The following KAZN variants were observed in gnomAD, a reference collection of about 807,000 sequenced individuals.
KAZN encodes the protein kazrin, periplakin interacting protein.
KAZN carries 40 observed loss-of-function variants against 87.4 expected under a neutral mutation model. That is an observed-to-expected ratio of 0.46 (90% CI 0.36 to 0.60). The LOEUF (loss-of-function observed/expected upper bound fraction) is 0.60, where lower values mean the gene tolerates loss of function less well. KAZN is among the 20% of genes least tolerant of loss of function. KAZN has a pLI of 0.00. For synonymous variants in KAZN, 466 were observed against 458.3 expected (o/e 1.02, Z -0.22); for missense variants, 898 against 1,073.9 (o/e 0.84, Z 2.29).
At position 15,094,533 on chromosome 1, in the gene KAZN, C is replaced by T; in HGVS notation, c.1428+148C>T. ...GCCAATGCAATCAGCCTCTGATGTA[C>T]CTGCTCATTGTGCCTCCCTGGCAAG... On this transcript the variant is annotated intron_variant, in intron 9 of 14. Coordinates refer to ENST00000376030, the MANE Select transcript of KAZN (RefSeq NM_201628.3). This position sits in a 1 kb window ranked among gnomAD's most constrained non-coding sequence, Gnocchi z 4.5. 1 of 769,958 alleles carries T rather than the reference C, an allele frequency of 1.3e-6. No homozygotes were observed. Among genetic ancestry groups the T allele is most frequent in the Non-Finnish European group, 2.1e-6 (1 of 480,880 alleles). 47.7% of individuals were successfully genotyped at this position (769,958 alleles called of 1,614,324 possible).
intron 2 of KAZN, among the ~76,000 whole-genome samples, chr1:14,303,710 A>G (rs1038873813): frequency 2.6e-5 from 4 of 152,190 alleles, no homozygotes; most frequent in Non-Finnish European, 5.9e-5. Context: ...ATTTATGCCT[A>G]TCCAAACTCT....
intron 2 of KAZN, among the ~76,000 whole-genome samples, chr1:14,484,010 T>G (rs1208347764): frequency 1.3e-5 from 2 of 152,244 alleles, no homozygotes; most frequent in African/African-American, 4.8e-5. Context: ...TACCGTTTAT[T>G]AAAGAGATCG....
At chr1:14,278,620 A>G (rs771178134) in intron 2 of KAZN, among the ~76,000 whole-genome samples, 4 of 152,128 alleles carry the variant, frequency 2.6e-5, no homozygotes, top group Non-Finnish European at 5.9e-5. Flanking sequence ...ATATCTAGTC[A>G]CTGCTTAAGT....
chr1:15,114,355 G>A, intron 14 of KAZN, 116 bp from the exon 15 acceptor site: 1 of 832,508 alleles, frequency 1.2e-6, no homozygotes, highest in East Asian at 2.7e-5. Flanking sequence ...AGCACACAGA[G>A]GTTAAGTAAG....
chr1:15,058,289 G>A (rs929610295), intron 5 of KAZN, among the ~76,000 whole-genome samples: 1 of 152,234 alleles, frequency 6.6e-6, no homozygotes, highest in Non-Finnish European at 1.5e-5. Flanking sequence ...TAGGGAGGAT[G>A]CCCAAGGTCA....
chr1:14,787,807 G>A (rs547461544), intron 1 of KAZN, among the ~76,000 whole-genome samples: 36 of 152,278 alleles, frequency 2.4e-4, no homozygotes, highest in African/African-American at 7.9e-4. Flanking sequence ...CTAGGAATCC[G>A]CAATAGCCCA....
At chr1:15,097,359 G>T (rs1640848745) in intron 10 of KAZN, among the ~76,000 whole-genome samples, 1 of 151,952 alleles carries the variant, frequency 6.6e-6, no homozygotes, top group Admixed American at 6.6e-5. Flanking sequence ...ATGACATCTT[G>T]TGTGACCATG....
At chr1:14,217,344 T>A (rs1364838627) in intron 2 of KAZN, among the ~76,000 whole-genome samples, 1 of 151,936 alleles carries the variant, frequency 6.6e-6, no homozygotes, top group Non-Finnish European at 1.5e-5. Flanking sequence ...TCACAAAAAA[T>A]TTAAAAATGC....
At chr1:14,545,797 G>C (rs1557790318) in intron 2 of KAZN, among the ~76,000 whole-genome samples, 1 of 152,150 alleles carries the variant, frequency 6.6e-6, no homozygotes, top group East Asian at 1.9e-4. Context: ...TCAGAGGCAG[G>C]GAAAGAGAAA....
At chr1:14,081,407 T>C (rs1166370027) in intron 1 of KAZN, among the ~76,000 whole-genome samples, 1 of 152,108 alleles carries the variant, frequency 6.6e-6, no homozygotes, top group African/African-American at 2.4e-5. Context: ...CTCTTCCCAG[T>C]TGATGAGCCA....
At chr1:14,218,000 G>A (rs1646995571) in intron 2 of KAZN, among the ~76,000 whole-genome samples, 1 of 152,088 alleles carries the variant, frequency 6.6e-6, no homozygotes, top group African/African-American at 2.4e-5. Flanking sequence ...TTTTTCCCAT[G>A]AGCTTTTTCT....
intron 2 of KAZN, among the ~76,000 whole-genome samples, chr1:14,586,061 G>A (rs1675831836): frequency 2.0e-5 from 3 of 152,184 alleles, no homozygotes; most frequent in Admixed American, 1.3e-4. Flanking sequence ...AGATGCTGTA[G>A]GAAATGTTTC....
At chr1:14,213,031 A>T (rs1460590177) in intron 2 of KAZN, among the ~76,000 whole-genome samples, 1 of 152,192 alleles carries the variant, frequency 6.6e-6, no homozygotes, top group African/African-American at 2.4e-5. Context: ...TCCACTTTTC[A>T]GGAATGTGTT....
chr1:14,613,991 A>G (rs566049003), intron 1 of KAZN, among the ~76,000 whole-genome samples: 1 of 152,310 alleles, frequency 6.6e-6, no homozygotes, highest in South Asian at 2.1e-4. Context: ...ATTTCTGCAG[A>G]GTGACTTCCT....
In KAZN at chr1:15,066,995, G is replaced by A; in HGVS notation, c.1222+1242G>A. On this transcript the variant is annotated intron_variant, in intron 8 of 14. Coordinates refer to ENST00000376030, the MANE Select transcript of KAZN (RefSeq NM_201628.3). The surrounding 1 kb of genome is among the most constrained non-coding windows in gnomAD (Gnocchi z 4.3). ...TTCTTTGGGTCTGTCTTTTGAGAGA[G>A]GTTGAGTTCAGGGCAAGACAGCCTG... 1 of 985,548 alleles carries A rather than the reference G, an allele frequency of 1.0e-6. No homozygotes were observed. The highest frequency in any genetic ancestry group is 1.2e-6 in the Non-Finnish European group (1 of 830,022). The allele number at this position is 985,548 out of a possible 1,614,324, so 61.1% of individuals were successfully genotyped here.
chr1:14,671,697 T>A (rs1221526076), intron 1 of KAZN, among the ~76,000 whole-genome samples: 2 of 152,210 alleles, frequency 1.3e-5, no homozygotes, highest in Non-Finnish European at 2.9e-5. Flanking sequence ...AGCAAAGGAA[T>A]CTCTGTATAT....
intron 2 of KAZN, among the ~76,000 whole-genome samples, chr1:14,555,283 TC>T (rs1673794371): frequency 1.3e-5 from 2 of 152,198 alleles, no homozygotes; most frequent in African/African-American, 2.4e-5. Context: ...AGGAAGTGAC[TC>T]AAGGCACACA....
In KAZN at chr1:15,050,093, C is replaced by CAGTAGAGTAGAGTAG. The variant is rs200055561; in HGVS notation, c.726+5945_726+5959dup. On this transcript the variant is annotated intron_variant, in intron 4 of 14. Transcript: ENST00000376030. ...GAGTAGAGTAGAGTACAGTAGAGTACAGTAGAGTAGAGTAGAGTAGAGTAG... is the reference window on the plus strand; with the variant it reads ...GAGTAGAGTAGAGTACAGTAGAGTACAGTAGAGTAGAGTAGAGTAGAGTAGAGTAGAGTAGAGTAG... Among the ~76,000 whole-genome samples, 27 of 100,264 alleles carry CAGTAGAGTAGAGTAG rather than the reference C, an allele frequency of 2.7e-4. 1 individual carries two copies. Among genetic ancestry groups the CAGTAGAGTAGAGTAG allele is most frequent in the African/African-American group, 9.4e-4 (24 of 25,548 alleles). The allele number at this position is 100,264 out of a possible 152,430, so 65.8% of individuals were successfully genotyped here.
intron 1 of KAZN, among the ~76,000 whole-genome samples, chr1:14,061,384 G>A (rs1489583906): frequency 6.6e-6 from 1 of 152,216 alleles, no homozygotes. Flanking sequence ...AGAGAAAAGA[G>A]GAAGTGCAAG....
Sources: gnomAD v4.1 joint callset for allele counts (sites outside exome capture counted in the v4.1 genomes callset) on GRCh38, gnomAD v4.1.1 for gene constraint, Gnocchi (gnomAD v3.1) non-coding constraint, MANE v1.5 for transcripts, NCBI Gene and HGNC (gene_info 2026-07-23, HGNC 2026-07-21) for gene names.